The following CYP7B1 variants were observed in gnomAD, a reference collection of about 807,000 sequenced individuals.
CYP7B1 encodes cytochrome P450 family 7 subfamily B member 1.
CYP7B1 carries 29 observed loss-of-function variants against 42.7 expected under a neutral mutation model. That is an observed-to-expected ratio of 0.68 (90% CI 0.51 to 0.93). CYP7B1 has a LOEUF of 0.93. Among genes scored for constraint, CYP7B1 ranks in the 40% least tolerant of loss-of-function variants. The pLI is 0.00. For synonymous variants in CYP7B1, 235 were observed against 218.2 expected, an observed-to-expected ratio of 1.08 and a Z score of -0.68; for missense variants, 655 against 600.5, an observed-to-expected ratio of 1.09 and a Z score of -0.95.
rs915493868 is a variant in CYP7B1, at chr8:64,594,212, T to A, written c.*2430A>T. Among the ~76,000 whole-genome samples, 1 of 152,128 alleles carries A rather than the reference T, an allele frequency of 6.6e-6. No individual in the cohort carries two copies. The highest frequency in any genetic ancestry group is 2.4e-5 in the African/African-American group (1 of 41,438). Reference sequence around the variant, plus strand: ...GATAGGTGATGGAAAAGCTTTTAAGTTCTGCTTTGGCCTCTGTCCCACAAT... The same window carrying A: ...GATAGGTGATGGAAAAGCTTTTAAGATCTGCTTTGGCCTCTGTCCCACAAT... On this transcript the variant is annotated 3_prime_UTR_variant, in exon 6 of 6. Transcript: ENST00000310193.
chr8:64,748,743 T>C (rs1485771646), intron 1 of CYP7B1, among the ~76,000 whole-genome samples: 1 of 152,200 alleles, frequency 6.6e-6, no homozygotes, highest in Admixed American at 6.5e-5. Context: ...GAACATCTCC[T>C]ACATCCAAAT....
intron 1 of CYP7B1, among the ~76,000 whole-genome samples, chr8:64,653,194 G>T (rs996292065): frequency 6.6e-6 from 1 of 152,096 alleles, no homozygotes; most frequent in Non-Finnish European, 1.5e-5. Context: ...CCATTCAAAA[G>T]ATCAATGAAT....
rs1807812989 is a variant in CYP7B1, at chr8:64,756,673, C to A, written c.122+41793G>T. ...CATCTCACAATCTGCTTCAGTGTAG[C>A]CTCTGCATCATAAAATTTAGCTTGG... On this transcript the variant is annotated intron_variant, in intron 1 of 5. Coordinates refer to ENST00000310193, the MANE Select transcript of CYP7B1 (RefSeq NM_004820.5). Among the ~76,000 whole-genome samples the A allele has an allele frequency of 2.0e-5, 3 of 152,168 alleles. No homozygotes were observed. The South Asian group carries it at 6.2e-4, about 32-fold the overall frequency.
At chr8:64,655,555 C>T (rs138667962) in intron 1 of CYP7B1, among the ~76,000 whole-genome samples, 2 of 152,090 alleles carry the variant, frequency 1.3e-5, no homozygotes, top group Admixed American at 6.6e-5. Context: ...AAAAGGGAAC[C>T]CTTACACTGT....
At chr8:64,637,143 G>GT (rs1563371969) in intron 1 of CYP7B1, among the ~76,000 whole-genome samples, 1 of 152,080 alleles carries the variant, frequency 6.6e-6, no homozygotes, top group African/African-American at 2.4e-5. Flanking sequence ...AACAAATGAC[G>GT]TTTTATCAAC....
intron 1 of CYP7B1, among the ~76,000 whole-genome samples, chr8:64,630,645 A>G (rs1805681808): frequency 6.6e-6 from 1 of 152,242 alleles, no homozygotes; most frequent in African/African-American, 2.4e-5. Context: ...TCAACACATC[A>G]GTTAAGTAAA....
intron 1 of CYP7B1, among the ~76,000 whole-genome samples, chr8:64,785,237 A>G (rs1035258104): frequency 1.7e-4 from 26 of 152,312 alleles, no homozygotes; most frequent in South Asian, 8.3e-4. Context: ...GAAAAAAGCA[A>G]GTCTCATTCA....
At chr8:64,763,671 T>G (rs1232027542) in intron 1 of CYP7B1, among the ~76,000 whole-genome samples, 1 of 152,216 alleles carries the variant, frequency 6.6e-6, no homozygotes, top group Non-Finnish European at 1.5e-5. Context: ...TCTTTTGGGT[T>G]GGGAGCACTG....
chr8:64,722,062 G>A (rs1333542207), intron 1 of CYP7B1, among the ~76,000 whole-genome samples: 1 of 152,196 alleles, frequency 6.6e-6, no homozygotes, highest in African/African-American at 2.4e-5. Flanking sequence ...TCAGGAGGTT[G>A]AGCCATGGAA....
At position 64,596,794 on chromosome 8, in the gene CYP7B1, T is replaced by C. The variant is rs1805124248; in HGVS notation, c.1369A>G (p.Met457Val). ...SKCPGRFFAL[M>V]EIKQLLVILL... ...ATAACCAACAATTGTTTTATTTCCA[T>C]AAGTGCAAAAAATCGGCCTGGACAT... Residue 457 changes from methionine to valine, a missense_variant, in exon 6 of 6, where the codon ATG (methionine) becomes GTG (valine). Met to Val is a conservative substitution (Grantham distance 21, BLOSUM62 1). Coordinates refer to ENST00000310193, the MANE Select transcript of CYP7B1 (RefSeq NM_004820.5). 2 of 1,614,002 alleles carry C rather than the reference T, an allele frequency of 1.2e-6. No homozygotes were observed. Among genetic ancestry groups the C allele is most frequent in the East Asian group, 2.2e-5 (1 of 44,870 alleles).
intron 1 of CYP7B1, among the ~76,000 whole-genome samples, chr8:64,758,157 G>T (rs897381338): frequency 7.9e-5 from 12 of 152,158 alleles, no homozygotes; most frequent in African/African-American, 2.9e-4. Context: ...CAAAAGGCTT[G>T]CAGAGAATAA....
intron 1 of CYP7B1, among the ~76,000 whole-genome samples, chr8:64,721,342 T>C (rs887361225): frequency 6.6e-6 from 1 of 152,170 alleles, no homozygotes; most frequent in Admixed American, 6.5e-5. Context: ...AACAGGATCA[T>C]ATAGATATCA....
chr8:64,608,236 A>C (rs1805311970), intron 4 of CYP7B1, among the ~76,000 whole-genome samples: 1 of 152,242 alleles, frequency 6.6e-6, no homozygotes, highest in Admixed American at 6.5e-5. Flanking sequence ...AAAGGCATGC[A>C]CATATTCTCT....
intron 1 of CYP7B1, among the ~76,000 whole-genome samples, chr8:64,687,381 C>G (rs372681794): frequency 6.6e-6 from 1 of 151,868 alleles, no homozygotes; most frequent in Admixed American, 6.6e-5. Context: ...GGCAAATGCA[C>G]GGAGAAAGTA....
At chr8:64,590,130 C>T (rs1289008040), downstream of CYP7B1, among the ~76,000 whole-genome samples, 1 of 152,152 alleles carries the variant, frequency 6.6e-6, no homozygotes, top group East Asian at 1.9e-4. Context: ...AATTATTTCA[C>T]AGTTTATCTA....
At chr8:64,703,006 T>A (rs1191082004) in intron 1 of CYP7B1, among the ~76,000 whole-genome samples, 1 of 149,646 alleles carries the variant, frequency 6.7e-6, no homozygotes, top group East Asian at 1.9e-4. Context: ...TTTATACATC[T>A]ATATTTTTTT....
At chr8:64,781,620 C>A (rs1275464553) in intron 1 of CYP7B1, among the ~76,000 whole-genome samples, 1 of 152,188 alleles carries the variant, frequency 6.6e-6, no homozygotes, top group African/African-American at 2.4e-5. Context: ...CCTCCTTTCT[C>A]TGCCTCCTGT....
At chr8:64,650,809 A>G (rs1563377432) in intron 1 of CYP7B1, among the ~76,000 whole-genome samples, 1 of 152,306 alleles carries the variant, frequency 6.6e-6, no homozygotes, top group South Asian at 2.1e-4. Context: ...ACATAACCTA[A>G]GAGCAGCAGA....
At chr8:64,602,702 A>T (rs1440296408) in intron 5 of CYP7B1, among the ~76,000 whole-genome samples, 1 of 152,210 alleles carries the variant, frequency 6.6e-6, no homozygotes, top group African/African-American at 2.4e-5. Flanking sequence ...TCAGCAACAA[A>T]TGGCTCACGG....
Sources: allele counts gnomAD v4.1 joint callset (sites outside exome capture counted in the v4.1 genomes callset), GRCh38; gene constraint gnomAD v4.1.1; transcripts MANE v1.5; gene names NCBI Gene and HGNC (gene_info 2026-07-23, HGNC 2026-07-21).